TFEC: variants seen among roughly 807,000 people sequenced by gnomAD.
The protein encoded by TFEC is transcription factor EC, also known as class E basic helix-loop-helix protein 34.
TFEC carries 31 observed loss-of-function variants against 41.6 expected under a neutral mutation model. The observed-to-expected ratio is 0.74, with a 90% CI of 0.56 to 1.01. The LOEUF (loss-of-function observed/expected upper bound fraction) is 1.01. TFEC is among the 50% of genes least tolerant of loss of function. The probability of loss-of-function intolerance (pLI) is 0.00; values close to 1 mark genes in which losing one functional copy is unlikely to be tolerated. For synonymous variants in TFEC, 143 were observed against 140.6 expected (o/e 1.02, Z -0.12); for missense variants, 402 against 404.1 (o/e 0.99, Z 0.04).
chr7:115,960,778 C>T (rs1485429962), intron 3 of TFEC, among the ~76,000 whole-genome samples: 6 of 151,452 alleles, frequency 4.0e-5, no homozygotes. Flanking sequence ...TTACAAGAGA[C>T]ATATCCACAC....
chr7:116,117,647 T>C (rs929887876), intron 1 of TFEC: 4 of 151,958 alleles, frequency 2.6e-5, no homozygotes, highest in Non-Finnish European at 5.9e-5. Context: ...ACCCTTTCCC[T>C]AACAAAGACG....
chr7:116,048,183 G>A (rs1040559034), intron 3 of TFEC, among the ~76,000 whole-genome samples: 7 of 152,196 alleles, frequency 4.6e-5, no homozygotes, highest in Non-Finnish European at 8.8e-5. Flanking sequence ...AAACTTCTCC[G>A]AGCTAAATGA....
chr7:116,145,232 C>A (rs1349936570), intron 1 of TFEC, among the ~76,000 whole-genome samples: 1 of 152,188 alleles, frequency 6.6e-6, no homozygotes, highest in Admixed American at 6.5e-5. Flanking sequence ...TCTCTTCCTT[C>A]CCAAATGATG....
At chr7:115,975,744 G>A (rs1056848740) in intron 2 of TFEC, among the ~76,000 whole-genome samples, 1 of 152,110 alleles carries the variant, frequency 6.6e-6, no homozygotes, top group African/African-American at 2.4e-5. Flanking sequence ...AAGTGCATCA[G>A]AGAAGATTTA....
chr7:115,995,702 C>G (rs566791507), intron 1 of TFEC, among the ~76,000 whole-genome samples: 1 of 152,286 alleles, frequency 6.6e-6, no homozygotes, highest in East Asian at 1.9e-4. Context: ...GTAGGAAAGA[C>G]AGTCTTGAAT....
Position 115,956,219 on chromosome 7 carries a change from T to C in TFEC, c.382+460A>G, listed in dbSNP as rs550465048. 1.1e-4 allele frequency among the ~76,000 whole-genome samples: 16 copies of C among 152,070 alleles called. No individual in the cohort carries two copies. In the Middle Eastern group the frequency reaches 0.01, roughly 98 times the overall value. The stretch of plus-strand genomic sequence containing the variant: ...ATTAAGAAAATTAAATGTGAGTCTA[T>C]CATGAAATCCATAAAACAAGCTAAA... On this transcript the variant is annotated intron_variant, in intron 4 of 7. Transcript: ENST00000265440.
chr7:115,942,650 G>A (rs1235974602), intron 6 of TFEC, among the ~76,000 whole-genome samples: 1 of 151,808 alleles, frequency 6.6e-6, no homozygotes, highest in East Asian at 1.9e-4. Context: ...CTTTTTAAAA[G>A]CTTGATGTGA....
At chr7:116,051,295 A>G (rs1197595633) in intron 3 of TFEC, among the ~76,000 whole-genome samples, 1 of 152,254 alleles carries the variant, frequency 6.6e-6, no homozygotes, top group African/African-American at 2.4e-5. Context: ...TTAAAGTAAA[A>G]TAATAATTAA....
chr7:116,006,968 T>G (rs1337261381), intron 1 of TFEC, among the ~76,000 whole-genome samples: 9 of 152,174 alleles, frequency 5.9e-5, no homozygotes, highest in South Asian at 2.1e-4. Flanking sequence ...TCTTTCACCT[T>G]CCACCATGAT....
At chr7:116,005,076 C>T (rs1267279888) in intron 1 of TFEC, among the ~76,000 whole-genome samples, 1 of 152,176 alleles carries the variant, frequency 6.6e-6, no homozygotes, top group African/African-American at 2.4e-5. Flanking sequence ...GCCTCCCCAG[C>T]CATGTGAAAC....
rs534648405 is a variant in TFEC, at chr7:115,946,877, G to A, written c.515+3997C>T. ...TCAAACATGATCATTTCCGGATAAT[G>A]AATAATATCCAGTATTTGGAGAAAA... On this transcript the variant is annotated intron_variant, in intron 6 of 7. Transcript: ENST00000265440. Among the ~76,000 whole-genome samples, 8 of 151,046 alleles carry A rather than the reference G, an allele frequency of 5.3e-5. No individual in the cohort carries two copies. In the East Asian group the frequency reaches 1.4e-3, roughly 26 times the overall value.
intron 3 of TFEC, among the ~76,000 whole-genome samples, chr7:116,095,180 T>A (rs1349043095): frequency 2.0e-5 from 3 of 152,226 alleles, no homozygotes; most frequent in Non-Finnish European, 4.4e-5. Flanking sequence ...CAGAATGTAG[T>A]CTAATATTTG....
chr7:116,091,453 C>T (rs1797325550), intron 3 of TFEC, among the ~76,000 whole-genome samples: 1 of 152,168 alleles, frequency 6.6e-6, no homozygotes, highest in Non-Finnish European at 1.5e-5. Flanking sequence ...CTTCAGTGTG[C>T]TTCTCCCTCA....
chr7:116,034,008 A>T (rs1049357049), upstream of TFEC, among the ~76,000 whole-genome samples: 3 of 152,140 alleles, frequency 2.0e-5, no homozygotes, highest in Non-Finnish European at 4.4e-5. Context: ...CTGTCTTGCC[A>T]ATCAAATGGT....
At chr7:116,012,923 T>C (rs1161583464) in intron 1 of TFEC, among the ~76,000 whole-genome samples, 1 of 151,836 alleles carries the variant, frequency 6.6e-6, no homozygotes, top group Non-Finnish European at 1.5e-5. Flanking sequence ...TGATATATGA[T>C]CATCAATTAA....
At chr7:116,099,802 C>T (rs1390555648) in intron 3 of TFEC, among the ~76,000 whole-genome samples, 1 of 152,114 alleles carries the variant, frequency 6.6e-6, no homozygotes, top group Admixed American at 6.6e-5. Context: ...TGCAACAATG[C>T]GTAACTAATA....
chr7:115,979,086 G>A (rs747208608), intron 2 of TFEC, among the ~76,000 whole-genome samples: 10 of 152,122 alleles, frequency 6.6e-5, no homozygotes, highest in Non-Finnish European at 1.0e-4. Flanking sequence ...TTTTAAGGGA[G>A]AGTCTCACTT....
intron 1 of TFEC, among the ~76,000 whole-genome samples, chr7:116,136,832 A>AT (rs1270993638): frequency 6.6e-6 from 1 of 151,996 alleles, no homozygotes; most frequent in African/African-American, 2.4e-5. Context: ...GTCATTTAAG[A>AT]TTTTTTCAAA....
chr7:115,987,036 G>A (rs1793891053), intron 1 of TFEC, among the ~76,000 whole-genome samples: 1 of 152,122 alleles, frequency 6.6e-6, no homozygotes, highest in Non-Finnish European at 1.5e-5. Flanking sequence ...TTTTCTCAAA[G>A]CAAGAATACC....
Sources: gnomAD v4.1 joint callset for allele counts (sites outside exome capture counted in the v4.1 genomes callset) on GRCh38, gnomAD v4.1.1 for gene constraint, MANE v1.5 for transcripts, NCBI Gene and HGNC (gene_info 2026-07-23, HGNC 2026-07-21) for gene names.